Variants in ASH1L observed in about 807,000 individuals in gnomAD.
The protein encoded by ASH1L is ASH1 like histone lysine methyltransferase, also known as histone-lysine N-methyltransferase ASH1L.
Under a neutral mutation model 269.0 loss-of-function variants are expected in ASH1L, and 23 were observed. The observed-to-expected ratio is 0.09, with a 90% confidence interval of 0.06 to 0.12. ASH1L has a LOEUF of 0.12. ASH1L is among the 10% of genes least tolerant of loss of function. The pLI, the probability that ASH1L is intolerant of heterozygous loss-of-function variation, is 1.00. For missense variants in ASH1L, 2,912 were observed against 3,567.8 expected, an observed-to-expected ratio of 0.82 and a Z score of 4.68; for synonymous variants, 1,187 against 1,253.5, an observed-to-expected ratio of 0.95 and a Z score of 1.12.
rs183992354 is a variant in ASH1L, at chr1:155,337,423, C to T, written c.*237G>A. On this transcript the variant is annotated 3_prime_UTR_variant, in exon 28 of 28. Transcript: ENST00000392403. ...TCCTCCCTCCTCTCTACATTATTAACCCTTAAGGTGAAGCAATGGAGAAGA... is the reference window on the plus strand; with the variant it reads ...TCCTCCCTCCTCTCTACATTATTAATCCTTAAGGTGAAGCAATGGAGAAGA... 1 of 420,874 alleles carries T rather than the reference C, an allele frequency of 2.4e-6. No homozygotes were observed. The highest frequency in any genetic ancestry group is 4.7e-5 in the East Asian group (1 of 21,426). The allele number at this position is 420,874 out of a possible 1,614,324, so 26.1% of individuals were successfully genotyped here.
chr1:155,551,679 A>G (rs1264320677), intron 1 of ASH1L, among the ~76,000 whole-genome samples: 1 of 141,628 alleles, frequency 7.1e-6, no homozygotes, highest in Non-Finnish European at 1.5e-5. Context: ...AAAAAAAAAG[A>G]ATCTTGCAGG....
At chr1:155,422,933 G>C (rs1273618076) in intron 5 of ASH1L, among the ~76,000 whole-genome samples, 1 of 150,008 alleles carries the variant, frequency 6.7e-6, no homozygotes, top group African/African-American at 2.5e-5. Flanking sequence ...ACAGGCGTGA[G>C]CCATTGAGCT....
intron 13 of ASH1L, among the ~76,000 whole-genome samples, chr1:155,358,548 T>C (rs866314016): frequency 1.3e-5 from 2 of 151,666 alleles, no homozygotes; most frequent in Admixed American, 6.6e-5. Context: ...ATTAGCTGGG[T>C]GTGGTGACAG....
Position 155,527,531 on chromosome 1 carries a change from CTTTTTTTT to C in ASH1L, c.-99-5921_-99-5914del, listed in dbSNP as rs35475547. Among the ~76,000 whole-genome samples the C allele has an allele frequency of 9.9e-5, 11 of 110,842 alleles. No homozygotes were observed. In the South Asian group the frequency reaches 1.3e-3, roughly 13 times the overall value. 72.7% of individuals were successfully genotyped at this position (110,842 alleles called of 152,430 possible). On this transcript the variant is annotated intron_variant, in intron 1 of 27. Transcript: ENST00000392403. ...CTACCTCACTTGACTTACGGGATAC[CTTTTTTTT>C]TTTTTTTTTTTTTTTGAGTCAAGGT...
chr1:155,469,777 A>C (rs760855890), intron 3 of ASH1L, among the ~76,000 whole-genome samples: 5 of 152,184 alleles, frequency 3.3e-5, no homozygotes, highest in African/African-American at 4.8e-5. Context: ...GCAGTTTCCA[A>C]ACTGATCTAC....
In ASH1L at chr1:155,539,512, AG is replaced by A. The variant is rs371551473; in HGVS notation, c.-99-17895del. 9.4e-4 allele frequency among the ~76,000 whole-genome samples: 143 copies of A among 152,068 alleles called. 1 individual carries two copies. Among genetic ancestry groups the A allele is most frequent in the African/African-American group, 3.3e-3 (137 of 41,492 alleles). On this transcript the variant is annotated intron_variant, in intron 1 of 27. Transcript: ENST00000392403. The stretch of plus-strand genomic sequence containing the variant: ...TGCTCTGTCACCCAGGCTGGAGAGC[AG>A]TGGCACGATCATAGTTCACTGCAGT...
At chr1:155,340,796 G>GTTTT (rs1652724587) in intron 25 of ASH1L, among the ~76,000 whole-genome samples, 1 of 142,040 alleles carries the variant, frequency 7.0e-6, no homozygotes. Flanking sequence ...TTTTTTTTGA[G>GTTTT]ACAGGGTCTC....
chr1:155,506,955 A>T (rs1259874170), intron 2 of ASH1L, among the ~76,000 whole-genome samples: 1 of 152,076 alleles, frequency 6.6e-6, no homozygotes, highest in Non-Finnish European at 1.5e-5. Flanking sequence ...TAACTTTATC[A>T]AATTTTGTTT....
At position 155,339,335 on chromosome 1, in the gene ASH1L, C is replaced by T; in HGVS notation, c.8494G>A (p.Gly2832Arg). The T allele has an allele frequency of 6.2e-7, 1 of 1,613,686 alleles. No individual in the cohort carries two copies. Among genetic ancestry groups the T allele is most frequent in the Non-Finnish European group, 8.5e-7 (1 of 1,179,618 alleles). The change falls in exon 26 of 28, where the codon GGA becomes AGA. Residue 2832 changes from glycine (G) to arginine (R), a missense_variant. Physicochemically the swap from Gly to Arg is moderately radical, Grantham distance 125. This residue lies in a region of ASH1L where 154 missense variants were observed against 165.0 expected (regional missense o/e 0.93). Transcript: ENST00000392403. ...HYVPDNYKRN[G>R]GRSSWKSERS... is the part of the protein sequence containing the mutation. The stretch of plus-strand genomic sequence containing the variant: ...TCCCCCCATGGGACTTACCGTCCTC[C>T]ATTCCTCTTGTAGTTGTCTGGGACG...
At chr1:155,419,784 C>T (rs1660519819) in intron 5 of ASH1L, among the ~76,000 whole-genome samples, 1 of 152,058 alleles carries the variant, frequency 6.6e-6, no homozygotes, top group South Asian at 2.1e-4. Context: ...AACAGAGGTC[C>T]TAGCCAGTGC....
chr1:155,468,906 A>G (rs1664887957), intron 3 of ASH1L, among the ~76,000 whole-genome samples: 1 of 152,224 alleles, frequency 6.6e-6, no homozygotes, highest in African/African-American at 2.4e-5. Context: ...ACAGAATGCT[A>G]TAGAATAACA....
At chr1:155,357,888 A>C in intron 13 of ASH1L, 139 bp from the exon 14 acceptor site, 6 of 753,256 alleles carry the variant, frequency 8.0e-6, no homozygotes, top group Non-Finnish European at 1.0e-5. Context: ...CTCCTATCTC[A>C]GCCTCCCCAG....
At position 155,343,786 on chromosome 1, in the gene ASH1L, T is replaced by A. The variant is rs778354184; in HGVS notation, c.7982-44A>T. 3.1e-5 allele frequency: 50 copies of A among 1,604,798 alleles called. No homozygotes were observed. Among genetic ancestry groups the A allele is most frequent in the Non-Finnish European group, 3.4e-6 (4 of 1,175,204 alleles). On this transcript the variant is annotated intron_variant, in intron 22 of 27. Coordinates refer to ENST00000392403, the MANE Select transcript of ASH1L (RefSeq NM_018489.3). The surrounding 1 kb of genome is among the most constrained non-coding windows in gnomAD (Gnocchi z 6.1). ...CAGAAGAAACATAAAACAATTCTTGTATGAATTCTGTTAGGCATCTGTTTA... is the reference window on the plus strand; with the variant it reads ...CAGAAGAAACATAAAACAATTCTTGAATGAATTCTGTTAGGCATCTGTTTA...
At chr1:155,464,339 C>A (rs927726405) in intron 3 of ASH1L, among the ~76,000 whole-genome samples, 9 of 152,138 alleles carry the variant, frequency 5.9e-5, no homozygotes, top group African/African-American at 2.2e-4. Flanking sequence ...TTTCAAAATA[C>A]TATAAAGCAG....
chr1:155,405,659 G>C (rs1052720217), intron 6 of ASH1L, among the ~76,000 whole-genome samples: 2 of 151,812 alleles, frequency 1.3e-5, no homozygotes, highest in Non-Finnish European at 1.5e-5. Flanking sequence ...ATGAAACCCT[G>C]TCTCTACAAA....
chr1:155,553,303 G>A (rs1671341694), intron 1 of ASH1L, among the ~76,000 whole-genome samples: 1 of 152,146 alleles, frequency 6.6e-6, no homozygotes, highest in Non-Finnish European at 1.5e-5. Flanking sequence ...AATTTTCTGA[G>A]TAACTAAAAT....
At chr1:155,540,644 C>T (rs1670365201) in intron 1 of ASH1L, among the ~76,000 whole-genome samples, 1 of 152,070 alleles carries the variant, frequency 6.6e-6, no homozygotes, top group African/African-American at 2.4e-5. Context: ...TGGCTCATGC[C>T]CATAGTCCCA....
chr1:155,370,403 C>T, intron 12 of ASH1L, 101 bp downstream of exon 12: 1 of 1,498,662 alleles, frequency 6.7e-7, no homozygotes, highest in South Asian at 1.2e-5. Flanking sequence ...ACAGCCTGAG[C>T]TGCTTTGTGT....
chr1:155,392,417 C>A (rs758804642), intron 7 of ASH1L, among the ~76,000 whole-genome samples: 1 of 152,066 alleles, frequency 6.6e-6, no homozygotes, highest in Non-Finnish European at 1.5e-5. Flanking sequence ...TCAGTTTGTG[C>A]CTGCTTTTGG....
Sources: gnomAD v4.1 joint callset for allele counts (sites outside exome capture counted in the v4.1 genomes callset) on GRCh38, gnomAD v4.1.1 for gene constraint, gnomAD v4.1.1 regional missense constraint, Gnocchi (gnomAD v3.1) non-coding constraint, MANE v1.5 for transcripts, NCBI Gene and HGNC (gene_info 2026-07-23, HGNC 2026-07-21) for gene names.